The following KCTD16 variants were observed in gnomAD, a reference collection of about 807,000 sequenced individuals.
KCTD16 encodes BTB/POZ domain-containing protein KCTD16.
Under a neutral mutation model 33.2 loss-of-function variants are expected in KCTD16, and 13 were observed. The ratio of observed to expected loss-of-function variants is 0.39; its 90% confidence interval spans 0.25 to 0.62. KCTD16 has a LOEUF of 0.62. Among genes scored for constraint, KCTD16 ranks in the 20% least tolerant of loss-of-function variants. The probability of loss-of-function intolerance (pLI) is 0.50; values close to 1 mark genes in which losing one functional copy is unlikely to be tolerated. For synonymous variants in KCTD16, 197 were observed against 195.3 expected (o/e 1.01, Z -0.07); for missense variants, 441 against 525.1 (o/e 0.84, Z 1.57).
chr5:144,365,330 A>T (rs1419458611), intron 3 of KCTD16, among the ~76,000 whole-genome samples: 1 of 152,156 alleles, frequency 6.6e-6, no homozygotes, highest in African/African-American at 2.4e-5. Flanking sequence ...GTCTTACGTT[A>T]TACAATTGTG....
intron 3 of KCTD16, among the ~76,000 whole-genome samples, chr5:144,210,084 C>T (rs1350389622): frequency 6.6e-6 from 1 of 151,712 alleles, no homozygotes; most frequent in Admixed American, 6.6e-5. Context: ...TGGGGAGAGA[C>T]TTCTTGTTTC....
intron 3 of KCTD16, among the ~76,000 whole-genome samples, chr5:144,292,960 A>T (rs1381150724): frequency 6.6e-6 from 1 of 152,214 alleles, no homozygotes; most frequent in Non-Finnish European, 1.5e-5. Flanking sequence ...CAAGCTGTGA[A>T]GCACAAGGCG....
At chr5:144,315,927 A>T (rs1339709557) in intron 3 of KCTD16, among the ~76,000 whole-genome samples, 1 of 152,150 alleles carries the variant, frequency 6.6e-6, no homozygotes, top group East Asian at 1.9e-4. Context: ...ACACCAAGGC[A>T]CACCTGTAAT....
At chr5:144,266,227 A>T (rs1203154997) in intron 3 of KCTD16, among the ~76,000 whole-genome samples, 1 of 152,198 alleles carries the variant, frequency 6.6e-6, no homozygotes, top group Non-Finnish European at 1.5e-5. Flanking sequence ...ATTGTCTTCA[A>T]TTCTCCTTTG....
chr5:144,418,097 G>C (rs188876194), intron 3 of KCTD16, among the ~76,000 whole-genome samples: 2 of 152,196 alleles, frequency 1.3e-5, no homozygotes, highest in African/African-American at 2.4e-5. Flanking sequence ...GGAGTTGTTC[G>C]TTCCTCCTGG....
chr5:144,388,874 T>C (rs1305530625), intron 3 of KCTD16, among the ~76,000 whole-genome samples: 1 of 152,206 alleles, frequency 6.6e-6, no homozygotes, highest in Non-Finnish European at 1.5e-5. Flanking sequence ...CTCATTCTGA[T>C]AGATAAATAG....
chr5:144,310,357 G>A (rs923807823), intron 3 of KCTD16, among the ~76,000 whole-genome samples: 3 of 152,098 alleles, frequency 2.0e-5, no homozygotes, highest in Middle Eastern at 3.2e-3. Context: ...GCTGCAATTA[G>A]CATGTGAGTG....
In KCTD16 at chr5:144,220,665, G is replaced by A. The variant is rs529978281; in HGVS notation, c.832+13119G>A. On this transcript the variant is annotated intron_variant, in intron 3 of 3. Coordinates refer to ENST00000512467, the MANE Select transcript of KCTD16 (RefSeq NM_020768.4). Reference sequence around the variant, plus strand: ...TTATAGAAATGAATGAAAAGGGCCAGGTGCAGTGGCTCACGCCTGTAATCC... The same window carrying A: ...TTATAGAAATGAATGAAAAGGGCCAAGTGCAGTGGCTCACGCCTGTAATCC... Among the ~76,000 whole-genome samples, 6 of 152,266 alleles carry A rather than the reference G, an allele frequency of 3.9e-5. No homozygotes were observed. In the East Asian group the frequency reaches 1.2e-3, roughly 29 times the overall value.
intron 3 of KCTD16, among the ~76,000 whole-genome samples, chr5:144,418,153 T>C (rs1753119752): frequency 6.6e-6 from 1 of 152,152 alleles, no homozygotes; most frequent in African/African-American, 2.4e-5. Context: ...GGAGTGAAGC[T>C]GAAGACCTTC....
chr5:144,333,031 AC>A (rs1347269013), intron 3 of KCTD16, among the ~76,000 whole-genome samples: 1 of 152,106 alleles, frequency 6.6e-6, no homozygotes, highest in African/African-American at 2.4e-5. Context: ...GTTACCTCTC[AC>A]CCTGGCCTTC....
At chr5:144,316,828 T>C (rs1284985793) in intron 3 of KCTD16, among the ~76,000 whole-genome samples, 7,041 of 134,048 alleles carry the variant, frequency 0.053, 563 homozygotes, top group African/African-American at 0.2. Context: ...CAGCATCCCT[T>C]TTTTTTTTTT....
chr5:144,355,295 G>A (rs1043779070), intron 3 of KCTD16, among the ~76,000 whole-genome samples: 1 of 151,964 alleles, frequency 6.6e-6, no homozygotes. Flanking sequence ...AATATGAACA[G>A]CATCAAAAAA....
At chr5:144,184,540 G>T (rs1305030023) in intron 2 of KCTD16, among the ~76,000 whole-genome samples, 6 of 152,150 alleles carry the variant, frequency 3.9e-5, no homozygotes, top group Non-Finnish European at 2.9e-5. Flanking sequence ...AAGTAGAATT[G>T]CCTGATCATA....
At chr5:144,252,225 T>C (rs1754719840) in intron 3 of KCTD16, among the ~76,000 whole-genome samples, 1 of 152,178 alleles carries the variant, frequency 6.6e-6, no homozygotes. Context: ...TCACCCAGCA[T>C]ATAACTGAAA....
intron 3 of KCTD16, among the ~76,000 whole-genome samples, chr5:144,368,511 G>A (rs974815848): frequency 2.6e-5 from 4 of 152,144 alleles, no homozygotes; most frequent in African/African-American, 9.7e-5. Context: ...CAGACCAGTA[G>A]CCACAAGAAG....
chr5:144,238,476 T>C (rs1754314373), intron 3 of KCTD16, among the ~76,000 whole-genome samples: 1 of 152,122 alleles, frequency 6.6e-6, no homozygotes, highest in African/African-American at 2.4e-5. Flanking sequence ...CTTTTATACT[T>C]TTCCTTGGTG....
chr5:144,249,427 C>T (rs961925543), intron 3 of KCTD16, among the ~76,000 whole-genome samples: 2 of 152,044 alleles, frequency 1.3e-5, no homozygotes, highest in African/African-American at 2.4e-5. Flanking sequence ...CCTTCCCCTC[C>T]CCTCTCCCAC....
intron 3 of KCTD16, among the ~76,000 whole-genome samples, chr5:144,344,929 A>G (rs1371888911): frequency 2.0e-5 from 3 of 151,670 alleles, no homozygotes. Flanking sequence ...GGCACTATTC[A>G]CAATAGCAAA....
At chr5:144,201,677 A>G (rs73792191) in intron 2 of KCTD16, among the ~76,000 whole-genome samples, 144 of 152,296 alleles carry the variant, frequency 9.5e-4, no homozygotes, top group Middle Eastern at 3.4e-3. Context: ...CTCCTGTTCA[A>G]AGTCACACAG....
Sources: gnomAD v4.1 joint callset for allele counts (sites outside exome capture counted in the v4.1 genomes callset) on GRCh38, gnomAD v4.1.1 for gene constraint, MANE v1.5 for transcripts, NCBI Gene and HGNC (gene_info 2026-07-23, HGNC 2026-07-21) for gene names.